BTC: variants seen among roughly 807,000 people sequenced by gnomAD.
The protein encoded by BTC is betacellulin.
In BTC, 13 loss-of-function variants were observed where a neutral mutation model predicts 18.1. The observed-to-expected ratio is 0.72, with a 90% confidence interval of 0.47 to 1.14. BTC has a LOEUF of 1.14. Ranked by LOEUF, BTC falls within the 50% of genes most tolerant of loss-of-function variation. The pLI, the probability that BTC is intolerant of heterozygous loss-of-function variation, is 0.00. For missense variants in BTC, 247 were observed against 224.2 expected, an observed-to-expected ratio of 1.10 and a Z score of -0.65; for synonymous variants, 83 against 79.4, an observed-to-expected ratio of 1.05 and a Z score of -0.24.
In BTC at chr4:74,746,403, T is replaced by C. The variant is rs1724289990; in HGVS notation, c.*274A>G. 6.6e-6 allele frequency: 1 copy of C among 152,640 alleles called. No homozygotes were observed. Among genetic ancestry groups the C allele is most frequent in the Non-Finnish European group, 1.5e-5 (1 of 68,040 alleles). 9.5% of individuals were successfully genotyped at this position (152,640 alleles called of 1,614,324 possible). ...CTTTTCTTTTTTGTTTGACTAGTAATCCTGGTGACAATACTTAAGTGAAAG... is the reference window on the plus strand; with the variant it reads ...CTTTTCTTTTTTGTTTGACTAGTAACCCTGGTGACAATACTTAAGTGAAAG... On this transcript the variant is annotated 3_prime_UTR_variant, in exon 6 of 6. Transcript: ENST00000395743.
chr4:74,774,582 G>A (rs537198738), intron 1 of BTC, among the ~76,000 whole-genome samples: 17 of 145,394 alleles, frequency 1.2e-4, no homozygotes, highest in African/African-American at 4.7e-4. Flanking sequence ...AGTTAACCAG[G>A]GCATTCTTTA....
intron 1 of BTC, among the ~76,000 whole-genome samples, chr4:74,781,976 A>C (rs910532520): frequency 2.0e-5 from 3 of 152,128 alleles, no homozygotes; most frequent in Non-Finnish European, 2.9e-5. Context: ...AATGTCACAT[A>C]GTCTCACAAA....
chr4:74,778,975 C>T (rs1725248507), intron 1 of BTC, among the ~76,000 whole-genome samples: 1 of 152,082 alleles, frequency 6.6e-6, no homozygotes, highest in Non-Finnish European at 1.5e-5. Flanking sequence ...GGAGAACTGC[C>T]TATTCTCTAA....
chr4:74,772,044 A>G (rs1725057171), intron 1 of BTC, among the ~76,000 whole-genome samples: 1 of 152,208 alleles, frequency 6.6e-6, no homozygotes, highest in African/African-American at 2.4e-5. Context: ...GAATAATAAT[A>G]TAGCGTGATC....
intron 1 of BTC, among the ~76,000 whole-genome samples, chr4:74,787,769 G>A (rs1361760799): frequency 6.6e-6 from 1 of 152,206 alleles, no homozygotes; most frequent in South Asian, 2.1e-4. Context: ...CTTTCACAGT[G>A]TTAGTTCCCA....
At chr4:74,751,267 G>A (rs1040364720) in intron 3 of BTC, among the ~76,000 whole-genome samples, 12 of 151,974 alleles carry the variant, frequency 7.9e-5, no homozygotes, top group Admixed American at 4.6e-4. Flanking sequence ...AATTTCTTTC[G>A]TCTTTCCTCC....
intron 1 of BTC, among the ~76,000 whole-genome samples, chr4:74,770,542 T>G (rs1473175869): frequency 1.3e-5 from 2 of 152,154 alleles, no homozygotes; most frequent in Non-Finnish European, 2.9e-5. Context: ...CCTTCTCCAT[T>G]CCACAAAGAG....
Position 74,750,570 on chromosome 4 carries a change from TACTG to T in BTC, c.427_428+2del. ...ACTTAAAATTAAGTTTAAAAATACT[TACTG>T]ACAGCATGTGCAGACACCGATGACC... On this transcript the variant is annotated splice_donor_variant and coding_sequence_variant, in exon 4 of 6. Coordinates refer to ENST00000395743, the MANE Select transcript of BTC (RefSeq NM_001729.4). LOFTEE classifies it high-confidence loss of function. 1 of 1,604,128 alleles carries T rather than the reference TACTG, an allele frequency of 6.2e-7. No homozygotes were observed. The highest frequency in any genetic ancestry group is 1.7e-4 in the Middle Eastern group (1 of 6,022).
intron 2 of BTC, among the ~76,000 whole-genome samples, chr4:74,765,012 C>A (rs1259128408): frequency 9.9e-6 from 1 of 100,580 alleles, no homozygotes; most frequent in Non-Finnish European, 1.8e-5. Flanking sequence ...GACTTATTCA[C>A]TACTATGAGA....
chr4:74,776,304 C>T (rs1264110297), intron 1 of BTC, among the ~76,000 whole-genome samples: 1 of 151,970 alleles, frequency 6.6e-6, no homozygotes, highest in Non-Finnish European at 1.5e-5. Context: ...TTATCCATAC[C>T]TCCCTGTTTT....
At chr4:74,750,162 G>C (rs1025243337) in intron 4 of BTC, among the ~76,000 whole-genome samples, 1 of 152,036 alleles carries the variant, frequency 6.6e-6, no homozygotes, top group Non-Finnish European at 1.5e-5. Flanking sequence ...AAAGCAGGAT[G>C]TTTCCTGATT....
At chr4:74,770,512 C>A (rs1410286892) in intron 1 of BTC, among the ~76,000 whole-genome samples, 2 of 152,246 alleles carry the variant, frequency 1.3e-5, no homozygotes, top group East Asian at 1.9e-4. Context: ...GAATGGTGAA[C>A]CTGCACGGCA....
At position 74,766,354 on chromosome 4, in the gene BTC, T is replaced by G. The variant is rs546323245; in HGVS notation, c.163+3704A>C. ...CTTTTAAATTAATTTTTCCTTTGAC[T>G]GTTGTAATAGCAGCTGAAAACACAA... On this transcript the variant is annotated intron_variant, in intron 2 of 5. Coordinates refer to ENST00000395743, the MANE Select transcript of BTC (RefSeq NM_001729.4). 2.0e-3 allele frequency among the ~76,000 whole-genome samples: 303 copies of G among 151,506 alleles called. 1 individual carries two copies. The highest frequency in any genetic ancestry group is 7.2e-3 in the African/African-American group (295 of 41,160).
chr4:74,777,098 G>A (rs1032765193), intron 1 of BTC, among the ~76,000 whole-genome samples: 2 of 152,092 alleles, frequency 1.3e-5, no homozygotes, highest in Non-Finnish European at 2.9e-5. Flanking sequence ...GCAGAGTAAC[G>A]GAGAAAAGGC....
At position 74,745,688 on chromosome 4, in the gene BTC, CG is replaced by C. The variant is rs1217125894; in HGVS notation, c.*988del. Reference sequence around the variant, plus strand: ...ACATAAATGAGGATATGGTCACAACCGGTCCCTACCTGGTCTCTCCAGTGTT... The same window carrying C: ...ACATAAATGAGGATATGGTCACAACCGTCCCTACCTGGTCTCTCCAGTGTT... On this transcript the variant is annotated 3_prime_UTR_variant, in exon 6 of 6. Coordinates refer to ENST00000395743, the MANE Select transcript of BTC (RefSeq NM_001729.4). 5.9e-5 allele frequency: 9 copies of C among 152,090 alleles called. No homozygotes were observed. Among genetic ancestry groups the C allele is most frequent in the Non-Finnish European group, 8.8e-5 (6 of 68,014 alleles). 9.4% of individuals were successfully genotyped at this position (152,090 alleles called of 1,614,324 possible).
chr4:74,766,877 CT>C (rs989042704), intron 2 of BTC, among the ~76,000 whole-genome samples: 3 of 151,914 alleles, frequency 2.0e-5, no homozygotes, highest in Non-Finnish European at 2.9e-5. Flanking sequence ...AATTCAACAC[CT>C]TTTCATAATA....
At chr4:74,783,888 G>A (rs1725405268) in intron 1 of BTC, among the ~76,000 whole-genome samples, 1 of 151,920 alleles carries the variant, frequency 6.6e-6, no homozygotes, top group African/African-American at 2.4e-5. Flanking sequence ...ATTGTGAATG[G>A]GAGTTCATTC....
intron 2 of BTC, among the ~76,000 whole-genome samples, chr4:74,769,126 C>T (rs1043800043): frequency 5.3e-5 from 8 of 152,158 alleles, no homozygotes; most frequent in African/African-American, 1.7e-4. Flanking sequence ...AGGAAAGGAG[C>T]AGTTTGCACC....
chr4:74,785,478 T>C (rs931850662), intron 1 of BTC, among the ~76,000 whole-genome samples: 3 of 152,200 alleles, frequency 2.0e-5, no homozygotes, highest in Non-Finnish European at 4.4e-5. Context: ...GGGGTTTGTT[T>C]GCTCTTGGTT....
Sources: allele counts gnomAD v4.1 joint callset (sites outside exome capture counted in the v4.1 genomes callset), GRCh38; gene constraint gnomAD v4.1.1; transcripts MANE v1.5; gene names NCBI Gene and HGNC (gene_info 2026-07-23, HGNC 2026-07-21).